Variants in SOX5 observed in about 807,000 individuals in gnomAD.
SOX5 encodes transcription factor SOX-5.
Under a neutral mutation model 92.0 loss-of-function variants are expected in SOX5, and 9 were observed. That is an observed-to-expected ratio of 0.10 (90% CI 0.06 to 0.17). The LOEUF (loss-of-function observed/expected upper bound fraction) is 0.17. SOX5 is among the 10% of genes least tolerant of loss of function. The pLI is 1.00. For synonymous variants in SOX5, 344 were observed against 336.3 expected (o/e 1.02, Z -0.25); for missense variants, 642 against 944.5 (o/e 0.68, Z 4.20).
intron 4 of SOX5, among the ~76,000 whole-genome samples, chr12:24,191,845 G>A (rs12319652): frequency 0.038 from 5,774 of 152,184 alleles, 107 homozygotes; most frequent in Middle Eastern, 0.058. Flanking sequence ...TCCAGTATTG[G>A]GAAGAGAACA....
At chr12:24,126,829 T>G (rs1262863632) in intron 4 of SOX5, among the ~76,000 whole-genome samples, 3 of 151,976 alleles carry the variant, frequency 2.0e-5, no homozygotes, top group African/African-American at 7.2e-5. Context: ...TCACTGAACA[T>G]GATGGGGGTC....
intron 3 of SOX5, 54 bp downstream of exon 3, chr12:23,845,929 A>G (rs2096570203): frequency 2.2e-6 from 3 of 1,359,234 alleles, no homozygotes; most frequent in Non-Finnish European, 3.2e-6. Context: ...AATTAAAATC[A>G]AAGTATTAAA....
chr12:24,065,489 A>G (rs1320886153), intron 4 of SOX5, among the ~76,000 whole-genome samples: 1 of 151,970 alleles, frequency 6.6e-6, no homozygotes, highest in African/African-American at 2.4e-5. Context: ...TCTACTAAAA[A>G]TACGAAAATT....
At chr12:24,427,264 T>G (rs1415687890) in intron 1 of SOX5, among the ~76,000 whole-genome samples, 1 of 152,232 alleles carries the variant, frequency 6.6e-6, no homozygotes, top group South Asian at 2.1e-4. Flanking sequence ...CTTTGAAAGA[T>G]GTCTTATTCC....
At chr12:24,212,270 C>T (rs1958703260) in intron 4 of SOX5, among the ~76,000 whole-genome samples, 2 of 152,142 alleles carry the variant, frequency 1.3e-5, no homozygotes, top group South Asian at 4.2e-4. Context: ...AATGTTCATG[C>T]TAAAACATAA....
chr12:23,887,432 G>A (rs1454668058), intron 2 of SOX5, among the ~76,000 whole-genome samples: 1 of 152,178 alleles, frequency 6.6e-6, no homozygotes, highest in Non-Finnish European at 1.5e-5. Flanking sequence ...CAACTGCAAA[G>A]AAACTTTTAA....
At chr12:24,067,656 A>G (rs1592840149) in intron 4 of SOX5, among the ~76,000 whole-genome samples, 1 of 152,316 alleles carries the variant, frequency 6.6e-6, no homozygotes, top group East Asian at 1.9e-4. Flanking sequence ...AGATTGATCA[A>G]CGATTTTATG....
At chr12:23,639,426 A>G (rs1055419331) in intron 8 of SOX5, among the ~76,000 whole-genome samples, 7 of 152,182 alleles carry the variant, frequency 4.6e-5, no homozygotes, top group Admixed American at 3.3e-4. Context: ...TTGAAAACCA[A>G]CATCTGAAAT....
chr12:23,568,480 C>T (rs752076062), intron 10 of SOX5, among the ~76,000 whole-genome samples: 1 of 152,156 alleles, frequency 6.6e-6, no homozygotes, highest in Non-Finnish European at 1.5e-5. Context: ...ATAACTACTG[C>T]TTGCCTCAAA....
chr12:23,778,146 A>G (rs1452000254), intron 3 of SOX5, among the ~76,000 whole-genome samples: 1 of 152,186 alleles, frequency 6.6e-6, no homozygotes, highest in Non-Finnish European at 1.5e-5. Context: ...TACAACTGTA[A>G]CCCAGTTTAA....
chr12:23,850,300 G>A (rs145842717), intron 2 of SOX5, among the ~76,000 whole-genome samples: 5,129 of 151,518 alleles, frequency 0.034, 287 homozygotes, highest in African/African-American at 0.12. Context: ...GTGGTGGCGC[G>A]CACCTGTAAT....
chr12:24,115,044 T>G (rs1947837189), intron 4 of SOX5, among the ~76,000 whole-genome samples: 1 of 152,134 alleles, frequency 6.6e-6, no homozygotes, highest in Admixed American at 6.5e-5. Context: ...AAGATAGGCT[T>G]GAAGATTTAA....
At chr12:24,006,026 G>T (rs111892785) in intron 4 of SOX5, among the ~76,000 whole-genome samples, 1 of 152,056 alleles carries the variant, frequency 6.6e-6, no homozygotes, top group African/African-American at 2.4e-5. Flanking sequence ...TTATTCATTC[G>T]TTCAGCTAGG....
chr12:23,742,079 T>C (rs2093816955), intron 4 of SOX5, among the ~76,000 whole-genome samples: 1 of 152,162 alleles, frequency 6.6e-6, no homozygotes, highest in East Asian at 1.9e-4. Context: ...CACTAAGCAC[T>C]GTTTTACTAC....
intron 3 of SOX5, among the ~76,000 whole-genome samples, chr12:23,785,377 G>A (rs2095360733): frequency 6.6e-6 from 1 of 152,080 alleles, no homozygotes; most frequent in Admixed American, 6.6e-5. Context: ...TGCTGAATTG[G>A]TGTCATTTGT....
chr12:24,242,494 G>C lies in SOX5; in HGVS notation c.-76-29077C>G, dbSNP rs541615861. 3.3e-5 allele frequency among the ~76,000 whole-genome samples: 5 copies of C among 152,204 alleles called. No homozygotes were observed. The South Asian group carries it at 1.0e-3, about 32-fold the overall frequency. On this transcript the variant is annotated intron_variant, in intron 3 of 4. Transcript: ENST00000446891. Reference sequence around the variant, plus strand: ...TGAAAACACTGGAAGATAAGAAATAGACTAATATAAAAGATTCATTTTCAA... The same window carrying C: ...TGAAAACACTGGAAGATAAGAAATACACTAATATAAAAGATTCATTTTCAA...
intron 4 of SOX5, among the ~76,000 whole-genome samples, chr12:23,956,427 AT>A (rs1266472246): frequency 2.6e-5 from 4 of 152,122 alleles, no homozygotes; most frequent in African/African-American, 9.7e-5. Flanking sequence ...GCATTAGATT[AT>A]CATAGGAAGG....
chr12:23,722,678 T>C (rs888985261), intron 6 of SOX5, among the ~76,000 whole-genome samples: 20 of 152,218 alleles, frequency 1.3e-4, no homozygotes, highest in Admixed American at 3.3e-4. Context: ...CAATTCTATA[T>C]ACATCACTTC....
At chr12:24,330,519 G>C (rs939862320) in intron 2 of SOX5, among the ~76,000 whole-genome samples, 1 of 152,188 alleles carries the variant, frequency 6.6e-6, no homozygotes, top group Non-Finnish European at 1.5e-5. Context: ...AATCCTGCCT[G>C]AGTGTCCTTG....
Sources: allele counts gnomAD v4.1 joint callset (sites outside exome capture counted in the v4.1 genomes callset), GRCh38; gene constraint gnomAD v4.1.1; transcripts MANE v1.5; gene names NCBI Gene and HGNC (gene_info 2026-07-23, HGNC 2026-07-21).